LUZP2: variants seen among roughly 807,000 people sequenced by gnomAD.
The protein encoded by LUZP2 is leucine zipper protein 2.
In LUZP2, 52 loss-of-function variants were observed where a neutral mutation model predicts 51.6. That is an observed-to-expected ratio of 1.01 (90% CI 0.81 to 1.27). LUZP2 has a LOEUF of 1.27. LUZP2 is among the 50% of genes most tolerant of loss of function. The pLI, the probability that LUZP2 is intolerant of heterozygous loss-of-function variation, is 0.00. For synonymous variants in LUZP2, 154 were observed against 137.3 expected (o/e 1.12, Z -0.85); for missense variants, 436 against 395.4 (o/e 1.10, Z -0.87).
intron 7 of LUZP2, among the ~76,000 whole-genome samples, chr11:24,959,621 A>T (rs1387401605): frequency 6.6e-6 from 1 of 152,178 alleles, no homozygotes; most frequent in Non-Finnish European, 1.5e-5. Context: ...GACTTTGCTG[A>T]AGTTGCTTAT....
chr11:25,077,216 A>T, intron 10 of LUZP2, 113 bp from the exon 11 acceptor site: 3 of 827,120 alleles, frequency 3.6e-6, no homozygotes, highest in Non-Finnish European at 4.1e-6. Context: ...TTCAGTATGG[A>T]TCAAAGTGAT....
chr11:24,869,354 G>C (rs968081261), intron 5 of LUZP2, among the ~76,000 whole-genome samples: 3 of 152,078 alleles, frequency 2.0e-5, no homozygotes, highest in African/African-American at 7.2e-5. Context: ...ACCTTGTCTG[G>C]TAAGTCTTTT....
chr11:24,739,213 T>G (rs1369858416), intron 4 of LUZP2, among the ~76,000 whole-genome samples: 2 of 151,998 alleles, frequency 1.3e-5, no homozygotes, highest in Admixed American at 1.3e-4. Context: ...AATGAACAAG[T>G]GAGGCAGGAT....
intron 5 of LUZP2, among the ~76,000 whole-genome samples, chr11:24,825,715 T>C (rs941386869): frequency 1.3e-5 from 2 of 150,868 alleles, no homozygotes; most frequent in African/African-American, 4.9e-5. Flanking sequence ...GTTTTTTATT[T>C]ACTTATTTCG....
chr11:24,585,787 C>T (rs1853043922), intron 1 of LUZP2, among the ~76,000 whole-genome samples: 1 of 151,876 alleles, frequency 6.6e-6, no homozygotes, highest in South Asian at 2.1e-4. Context: ...CAAACCTATG[C>T]CTATTTTATT....
At chr11:24,698,710 T>C (rs1857326223) in intron 1 of LUZP2, among the ~76,000 whole-genome samples, 1 of 152,150 alleles carries the variant, frequency 6.6e-6, no homozygotes, top group Non-Finnish European at 1.5e-5. Context: ...TTCTAGCAAC[T>C]TGATGCAGTT....
At chr11:24,684,838 G>T (rs1856847925) in intron 1 of LUZP2, among the ~76,000 whole-genome samples, 1 of 152,146 alleles carries the variant, frequency 6.6e-6, no homozygotes, top group African/African-American at 2.4e-5. Context: ...CCACTCAAAT[G>T]ATTCATATCA....
chr11:25,015,791 C>A (rs2133965348), intron 9 of LUZP2, among the ~76,000 whole-genome samples: 1 of 151,842 alleles, frequency 6.6e-6, no homozygotes, highest in South Asian at 2.1e-4. Context: ...TACTATGATT[C>A]TTGTCCAATT....
intron 5 of LUZP2, among the ~76,000 whole-genome samples, chr11:24,802,686 C>A (rs1849729120): frequency 6.6e-6 from 1 of 151,872 alleles, no homozygotes; most frequent in African/African-American, 2.4e-5. Flanking sequence ...TGGCAACAAC[C>A]ACTCTTTTAT....
At chr11:24,763,033 G>A (rs1022677891) in intron 4 of LUZP2, 5 of 689,774 alleles carry the variant, frequency 7.2e-6, no homozygotes, top group Non-Finnish European at 8.9e-6. Context: ...ATAATAAATA[G>A]TTTGTTAAAT....
At chr11:24,933,841 G>A (rs528178891) in intron 7 of LUZP2, among the ~76,000 whole-genome samples, 97 of 152,246 alleles carry the variant, frequency 6.4e-4, no homozygotes, top group Non-Finnish European at 1.1e-3. Context: ...ATTATCATTA[G>A]TTCTTATAGG....
intron 9 of LUZP2, among the ~76,000 whole-genome samples, chr11:25,015,289 A>C: frequency 6.6e-6 from 1 of 152,314 alleles, no homozygotes. Context: ...ATTCCTGTGT[A>C]ACATTCACTC....
rs1285260934 is a variant in LUZP2, at chr11:24,738,306, A to G, written c.333+4A>G. On this transcript the variant is annotated splice_donor_region_variant and intron_variant, in intron 4 of 11. Transcript: ENST00000336930. ...AGCAGAAAAACACCAGGCTACTGTA[A>G]GTGTGTTTCTTCTTTGTGCCTTTTG... 6.2e-7 allele frequency: 1 copy of G among 1,608,622 alleles called. No homozygotes were observed. The highest frequency in any genetic ancestry group is 2.2e-5 in the East Asian group (1 of 44,794).
At chr11:24,855,245 A>G (rs980345984) in intron 5 of LUZP2, among the ~76,000 whole-genome samples, 1 of 152,040 alleles carries the variant, frequency 6.6e-6, no homozygotes, top group Non-Finnish European at 1.5e-5. Context: ...CTTCCAAAAG[A>G]CTCCTAGATG....
rs1858564118 is a variant in LUZP2, at chr11:24,728,224, A to G, written c.63-945A>G. On this transcript the variant is annotated intron_variant, in intron 1 of 11. Transcript: ENST00000336930. Reference sequence around the variant, plus strand: ...TCCCTCTCAGTGAAGGGCTGTGTCCAAAAATTGCCTAAGCCAGAAACCTGG... The same window carrying G: ...TCCCTCTCAGTGAAGGGCTGTGTCCGAAAATTGCCTAAGCCAGAAACCTGG... Among the ~76,000 whole-genome samples the G allele has an allele frequency of 2.6e-5, 4 of 151,976 alleles. No individual in the cohort carries two copies. The South Asian group carries it at 8.3e-4, about 31-fold the overall frequency.
At chr11:24,627,882 C>G (rs779065426) in intron 1 of LUZP2, among the ~76,000 whole-genome samples, 1 of 152,148 alleles carries the variant, frequency 6.6e-6, no homozygotes, top group Non-Finnish European at 1.5e-5. Context: ...GATAATGACA[C>G]CCCTCCCTTC....
chr11:24,735,301 T>G (rs2716448), intron 3 of LUZP2, among the ~76,000 whole-genome samples: 70,779 of 151,612 alleles, frequency 0.47, 18,526 homozygotes, highest in African/African-American at 0.7. Flanking sequence ...TCATAGGAGA[T>G]TCCCCAGGTG....
intron 1 of LUZP2, among the ~76,000 whole-genome samples, chr11:24,722,615 A>C (rs941448312): frequency 2.0e-5 from 3 of 152,096 alleles, no homozygotes; most frequent in Admixed American, 1.3e-4. Context: ...AAAAGATACC[A>C]TTAAGAGATT....
chr11:24,842,405 G>C (rs902700060), intron 5 of LUZP2, among the ~76,000 whole-genome samples: 3 of 151,698 alleles, frequency 2.0e-5, no homozygotes, highest in African/African-American at 7.3e-5. Context: ...AGCTATTGGA[G>C]CTTGAAAGGC....
Sources: gnomAD v4.1 joint callset for allele counts (sites outside exome capture counted in the v4.1 genomes callset) on GRCh38, gnomAD v4.1.1 for gene constraint, MANE v1.5 for transcripts, NCBI Gene and HGNC (gene_info 2026-07-23, HGNC 2026-07-21) for gene names.